SLC13A4: variants seen among roughly 807,000 people sequenced by gnomAD.
SLC13A4 encodes solute carrier family 13 member 4.
Under a neutral mutation model 72.7 loss-of-function variants are expected in SLC13A4, and 28 were observed. The observed-to-expected ratio is 0.39, with a 90% confidence interval of 0.29 to 0.53. SLC13A4 has a LOEUF of 0.53. Among genes scored for constraint, SLC13A4 ranks in the 20% least tolerant of loss-of-function variants. The pLI, the probability that SLC13A4 is intolerant of heterozygous loss-of-function variation, is 0.78. For synonymous variants in SLC13A4, 312 were observed against 325.5 expected (o/e 0.96, Z 0.45); for missense variants, 653 against 788.0 (o/e 0.83, Z 2.05).
At chr7:135,713,102 C>T (rs1001957119) in intron 2 of SLC13A4, among the ~76,000 whole-genome samples, 1 of 152,170 alleles carries the variant, frequency 6.6e-6, no homozygotes, top group African/African-American at 2.4e-5. Context: ...TTCCTTTCCC[C>T]ATTTTATAAT....
At chr7:135,715,373 G>A (rs947182592) in intron 2 of SLC13A4, among the ~76,000 whole-genome samples, 110 of 90,100 alleles carry the variant, frequency 1.2e-3, no homozygotes, top group Non-Finnish European at 1.9e-3. Flanking sequence ...ATGTGTATGA[G>A]TGTGTGAGTG....
intron 6 of SLC13A4, chr7:135,702,547 T>C (rs938876849): frequency 1.3e-5 from 4 of 302,254 alleles, no homozygotes; most frequent in African/African-American, 2.2e-5. Context: ...AGCTAATTTT[T>C]GTATTTTTAG....
At chr7:135,714,649 C>T (rs990066516) in intron 2 of SLC13A4, among the ~76,000 whole-genome samples, 2 of 152,156 alleles carry the variant, frequency 1.3e-5, no homozygotes, top group East Asian at 1.9e-4. Context: ...GCCTCCATGG[C>T]GAGGAGAGAT....
Position 135,681,475 on chromosome 7 carries a change from G to C in SLC13A4, c.*88C>G. On this transcript the variant is annotated 3_prime_UTR_variant, in exon 16 of 16. Coordinates refer to ENST00000682651, the MANE Select transcript of SLC13A4 (RefSeq NM_001318192.2). ...CGTGGGTCTGGGGTTGTGTGCTCCTGGTGGTCCTAGTGGTTTTCTTTGCCT... is the reference window on the plus strand; with the variant it reads ...CGTGGGTCTGGGGTTGTGTGCTCCTCGTGGTCCTAGTGGTTTTCTTTGCCT... 5 of 1,522,140 alleles carry C rather than the reference G, an allele frequency of 3.3e-6. No homozygotes were observed. The highest frequency in any genetic ancestry group is 1.3e-5 in the South Asian group (1 of 78,262). The allele number at this position is 1,522,140 out of a possible 1,614,324, so 94.3% of individuals were successfully genotyped here.
chr7:135,711,529 C>T (rs1417629233), intron 2 of SLC13A4, among the ~76,000 whole-genome samples: 2 of 152,176 alleles, frequency 1.3e-5, no homozygotes, highest in Non-Finnish European at 2.9e-5. Context: ...CAGCACTATC[C>T]GTATCTCAGT....
intron 6 of SLC13A4, chr7:135,702,519 G>T: frequency 3.6e-6 from 1 of 275,876 alleles, no homozygotes; most frequent in South Asian, 4.1e-5. Flanking sequence ...GGGATTACCG[G>T]TGCCCATCAC....
chr7:135,717,740 T>C (rs3110810), intron 2 of SLC13A4, among the ~76,000 whole-genome samples: 46,071 of 152,036 alleles, frequency 0.3, 7,434 homozygotes, highest in Admixed American at 0.38. Flanking sequence ...AGATTAAGCA[T>C]TGCTTCTGGG....
intron 2 of SLC13A4, among the ~76,000 whole-genome samples, chr7:135,715,062 A>ATG (rs112275841): frequency 4.1e-4 from 62 of 149,998 alleles, no homozygotes; most frequent in Admixed American, 1.3e-3. Flanking sequence ...GTGTATGTGA[A>ATG]TGTGTGTGTG....
chr7:135,714,564 G>A (rs1027708798), intron 2 of SLC13A4, among the ~76,000 whole-genome samples: 18 of 152,234 alleles, frequency 1.2e-4, no homozygotes, highest in Admixed American at 5.2e-4. Flanking sequence ...GGTGAGGGCA[G>A]CCTGGGGTTC....
Position 135,691,599 on chromosome 7 carries a change from G to T in SLC13A4, c.1270C>A (p.Leu424Ile), listed in dbSNP as rs1795788614. The T allele has an allele frequency of 2.5e-6, 4 of 1,613,870 alleles. No homozygotes were observed. The highest frequency in any genetic ancestry group is 1.1e-5 in the South Asian group (1 of 91,072). ...DATVSVFLGF[L>I]LFLIPAKKPC... is the part of the protein sequence containing the mutation. ...TTCTTCGCTGGAATGAGGAAGAGGA[G>T]GAAGCCAAGGAAGACAGAGACTGTG... The change falls in exon 12 of 16, where the codon CTC (leucine) becomes ATC (isoleucine). Residue 424 changes from leucine (L) to isoleucine (I), a missense_variant. Physicochemically the swap from Leu to Ile is conservative, Grantham distance 5 (BLOSUM62 2). Transcript: ENST00000682651.
intron 1 of SLC13A4, among the ~76,000 whole-genome samples, chr7:135,723,997 C>A (rs1401993097): frequency 6.6e-6 from 1 of 152,228 alleles, no homozygotes. Flanking sequence ...TAAAGGAGTT[C>A]AAACCCACGT....
chr7:135,719,797 G>GTA (rs1796504106), intron 2 of SLC13A4, among the ~76,000 whole-genome samples: 1 of 138,918 alleles, frequency 7.2e-6, no homozygotes, highest in African/African-American at 3.1e-5. Context: ...GTGTGTGTGT[G>GTA]TGTGTATGTG....
intron 15 of SLC13A4, among the ~76,000 whole-genome samples, chr7:135,682,330 C>G (rs1324228268): frequency 1.3e-5 from 2 of 152,188 alleles, no homozygotes; most frequent in Non-Finnish European, 2.9e-5. Flanking sequence ...CATTGACACC[C>G]ACAGGCTGAA....
At chr7:135,709,971 T>C (rs1252985959) in intron 2 of SLC13A4, among the ~76,000 whole-genome samples, 1 of 152,192 alleles carries the variant, frequency 6.6e-6, no homozygotes, top group Non-Finnish European at 1.5e-5. Context: ...TCTATATATC[T>C]TAACACCTAG....
At chr7:135,724,423 G>T (rs562274035) in intron 1 of SLC13A4, among the ~76,000 whole-genome samples, 1 of 149,936 alleles carries the variant, frequency 6.7e-6, no homozygotes, top group South Asian at 2.1e-4. Flanking sequence ...CTTGAACCCG[G>T]GAGGCAGAGG....
intron 6 of SLC13A4, 38 bp downstream of exon 6, chr7:135,702,806 CA>C (rs1468098260): frequency 6.3e-7 from 1 of 1,583,686 alleles, no homozygotes; most frequent in Non-Finnish European, 8.7e-7. Flanking sequence ...GAGGGATTTT[CA>C]AGTGATTCCA....
intron 1 of SLC13A4, among the ~76,000 whole-genome samples, chr7:135,723,125 T>C (rs1173080528): frequency 1.3e-5 from 2 of 152,156 alleles, no homozygotes; most frequent in African/African-American, 2.4e-5. Context: ...AAATGATTCC[T>C]GGTTGAGAGC....
At chr7:135,692,175 A>T in intron 11 of SLC13A4, 148 bp downstream of exon 11, 3 of 682,002 alleles carry the variant, frequency 4.4e-6, no homozygotes, top group South Asian at 3.4e-5. Flanking sequence ...TTCCTTCCTG[A>T]TTTCACACTG....
intron 10 of SLC13A4, 68 bp downstream of exon 10, chr7:135,694,069 C>T (rs998678268): frequency 3.2e-6 from 3 of 924,554 alleles, no homozygotes; most frequent in African/African-American, 3.3e-5. Context: ...AACAGGGCTG[C>T]TCCTGTGCTC....
Sources: gnomAD v4.1 joint callset for allele counts (sites outside exome capture counted in the v4.1 genomes callset) on GRCh38, gnomAD v4.1.1 for gene constraint, MANE v1.5 for transcripts, NCBI Gene and HGNC (gene_info 2026-07-23, HGNC 2026-07-21) for gene names.